The following RNASE10 variants were observed in gnomAD, a reference collection of about 807,000 sequenced individuals.
The protein encoded by RNASE10 is inactive ribonuclease-like protein 10.
In RNASE10, 2 loss-of-function variants were observed where a neutral mutation model predicts 1.1. The observed-to-expected ratio is 1.82, with a 90% CI of 0.74 to 5.73. The LOEUF (loss-of-function observed/expected upper bound fraction) is 5.73. RNASE10 is among the 30% of genes most tolerant of loss of function. The pLI is 0.05. For missense variants in RNASE10, 276 were observed against 263.4 expected, an observed-to-expected ratio of 1.05 and a Z score of -0.33; for synonymous variants, 97 against 96.2, an observed-to-expected ratio of 1.01 and a Z score of -0.05.
exon 2 of RNASE10, chr14:20,510,519 G>T: frequency 6.2e-7 from 1 of 1,613,880 alleles, no homozygotes. Flanking sequence ...TGATGCTGCT[G>T]CTGGGCCTGG....
At chr14:20,507,107 G>A (rs1176138817) in intron 1 of RNASE10, among the ~76,000 whole-genome samples, 2 of 150,010 alleles carry the variant, frequency 1.3e-5, no homozygotes, top group Admixed American at 6.6e-5. Context: ...CCCCGTCTGG[G>A]AGGTGTGCCC....
chr14:20,505,310 CTCCCTCTCCCTCTCCCTCCACGGTCTCCT>C (rs1882670267), upstream of RNASE10, among the ~76,000 whole-genome samples: 1 of 79,360 alleles, frequency 1.3e-5, no homozygotes, highest in African/African-American at 5.8e-5. Flanking sequence ...CCCTCTCCCT[CTCCCTCTCCCTCTCCCTCCACGGTCTCCT>C]TCCACGGTCT....
chr14:20,505,258 T>TCC (rs1566535767), upstream of RNASE10, among the ~76,000 whole-genome samples: 190 of 90,196 alleles, frequency 2.1e-3, 26 homozygotes, highest in African/African-American at 8.0e-3. Flanking sequence ...AAAAAGTGAG[T>TCC]TTGCTCCCTC....
chr14:20,510,274 G>A, intron 1 of RNASE10, 193 bp from the exon 2 acceptor site: 1 of 334,716 alleles, frequency 3.0e-6, no homozygotes, highest in African/African-American at 2.2e-5. Context: ...CACAGCAACA[G>A]GGAATGTGGT....
chr14:20,511,143 C>G (rs1441201876), exon 2 of RNASE10: 1 of 1,446,848 alleles, frequency 6.9e-7, no homozygotes, highest in African/African-American at 1.4e-5. Flanking sequence ...CATCTTTTTT[C>G]TCTTCACCTT....
chr14:20,509,174 C>G (rs575507645), intron 1 of RNASE10, among the ~76,000 whole-genome samples: 1 of 152,218 alleles, frequency 6.6e-6, no homozygotes. Flanking sequence ...CTCAGCTTCC[C>G]CAGTGGCTGG....
intron 1 of RNASE10, among the ~76,000 whole-genome samples, chr14:20,508,988 T>C (rs1182630787): frequency 6.6e-6 from 1 of 152,138 alleles, no homozygotes; most frequent in Admixed American, 6.5e-5. Context: ...TTTTTTTTTT[T>C]CTGGCAGGGA....
chr14:20,510,276 GAATGTGGTAGGGAGGAACAAGAGA>G (rs1478695759), intron 1 of RNASE10, 167 bp from the exon 2 acceptor site: 11 of 339,564 alleles, frequency 3.2e-5, no homozygotes, highest in Non-Finnish European at 4.2e-5. Context: ...CAGCAACAGG[GAATGTGGTAGGGAGGAACAAGAGA>G]AATGGGAATG....
At chr14:20,506,929 G>A (rs1882748812) in intron 1 of RNASE10, among the ~76,000 whole-genome samples, 5 of 139,588 alleles carry the variant, frequency 3.6e-5, no homozygotes, top group Admixed American at 7.1e-5. Flanking sequence ...CGCCCCGTCC[G>A]GGAGGGGGGA....
chr14:20,504,373 C>T (rs1026802441), upstream of RNASE10, among the ~76,000 whole-genome samples: 2 of 152,054 alleles, frequency 1.3e-5, no homozygotes, highest in African/African-American at 4.8e-5. Flanking sequence ...GTGTTGGGTG[C>T]CTCAAGGAAC....
intron 1 of RNASE10, among the ~76,000 whole-genome samples, 166 bp downstream of exon 1, chr14:20,506,185 G>GGGT: frequency 7.1e-6 from 1 of 140,074 alleles, no homozygotes; most frequent in South Asian, 2.5e-4. Context: ...AGGGAGGTGG[G>GGGT]GGGGGGTCAG....
intron 1 of RNASE10, among the ~76,000 whole-genome samples, chr14:20,506,690 A>G (rs1436100322): frequency 1.0e-5 from 1 of 97,494 alleles, no homozygotes. Flanking sequence ...CCGCCCGGCC[A>G]GCCGCCCCGT....
chr14:20,505,261 G>GCTCC (rs1882663767), upstream of RNASE10, among the ~76,000 whole-genome samples: 11 of 51,316 alleles, frequency 2.1e-4, no homozygotes, highest in Admixed American at 4.9e-4. Flanking sequence ...AAGTGAGTTT[G>GCTCC]CTCCCTCTCC....
At chr14:20,510,634 G>A in exon 2 of RNASE10, 1 of 1,614,192 alleles carries the variant, frequency 6.2e-7, no homozygotes, top group Non-Finnish European at 8.5e-7. Context: ...CAAAGCTGAG[G>A]CCACTGAGGA....
rs533565506 is a variant in RNASE10 at position 20,506,182 on chromosome 14, TG to T, written c.79+172del. Among the ~76,000 whole-genome samples the T allele has an allele frequency of 2.2e-4, 19 of 86,016 alleles. No homozygotes were observed. In the East Asian group the frequency reaches 2.5e-3, roughly 11 times the overall value. The allele number at this position is 86,016 out of a possible 152,430, so 56.4% of individuals were successfully genotyped here. On this transcript the variant is annotated intron_variant, in intron 1 of 1. Transcript: ENST00000430083. ...GCAGCCACCCCGTCCGGGAGGGAGGTGGGGGGGGGTCAGCCCCCCGCCCGGC... is the reference window on the plus strand; with the variant it reads ...GCAGCCACCCCGTCCGGGAGGGAGGTGGGGGGGGTCAGCCCCCCGCCCGGC...
At chr14:20,504,580 T>G (rs550131801), upstream of RNASE10, among the ~76,000 whole-genome samples, 1 of 143,600 alleles carries the variant, frequency 7.0e-6, no homozygotes, top group African/African-American at 2.6e-5. Context: ...CCCAGCTACT[T>G]GGGAGGCTGA....
At position 20,510,632 on chromosome 14, in the gene RNASE10, A is replaced by G. The variant is rs1453311736; in HGVS notation, c.245A>G (p.Glu82Gly). The change falls in exon 2 of 2, where the codon GAG becomes GGG. Residue 82 changes from glutamate (E) to glycine (G), a missense_variant. By Grantham distance (98) the Glu-to-Gly change is moderately conservative (BLOSUM62 -2). Transcript: ENST00000430083. ...TCCAGTGACTCACAGGACAAAGCTG[A>G]GGCCACTGAGGAGGGAGACGGCACC... is the stretch of plus-strand genomic sequence containing the variant. 3 of 1,614,100 alleles carry G rather than the reference A, an allele frequency of 1.9e-6. No individual in the cohort carries two copies. The East Asian group carries it at 6.7e-5, about 36-fold the overall frequency.
At chr14:20,505,701 A>G (rs1882684544) in exon 1 of RNASE10, 1 of 99,342 alleles carries the variant, frequency 1.0e-5, no homozygotes, top group East Asian at 2.3e-4. Flanking sequence ...TGGCCTCCCA[A>G]AGTGCCGAGA....
chr14:20,504,526 A>G (rs753091233), upstream of RNASE10, among the ~76,000 whole-genome samples: 155 of 151,598 alleles, frequency 1.0e-3, no homozygotes, highest in Non-Finnish European at 1.7e-3. Context: ...TCTCTACTAA[A>G]AAATACAAAA....
Sources: gnomAD v4.1 joint callset for allele counts (sites outside exome capture counted in the v4.1 genomes callset) on GRCh38, gnomAD v4.1.1 for gene constraint, MANE v1.5 for transcripts, NCBI Gene and HGNC (gene_info 2026-07-23, HGNC 2026-07-21) for gene names.